CUEDC1: variants seen among roughly 807,000 people sequenced by gnomAD.
CUEDC1 encodes CUE domain containing 1, also known as CUE domain-containing protein 1.
CUEDC1 carries 30 observed loss-of-function variants against 43.7 expected under a neutral mutation model. The ratio of observed to expected loss-of-function variants is 0.69; its 90% CI spans 0.51 to 0.93. The LOEUF is 0.93. Among genes scored for constraint, CUEDC1 ranks in the 40% least tolerant of loss-of-function variants. The probability of loss-of-function intolerance (pLI) is 0.00; values close to 1 mark genes in which losing one functional copy is unlikely to be tolerated. For synonymous variants in CUEDC1, 223 were observed against 223.6 expected, an observed-to-expected ratio of 1.00 and a Z score of 0.02; for missense variants, 486 against 549.0, an observed-to-expected ratio of 0.89 and a Z score of 1.15.
At chr17:57,880,893 C>T (rs2074195727) in intron 2 of CUEDC1, among the ~76,000 whole-genome samples, 1 of 152,190 alleles carries the variant, frequency 6.6e-6, no homozygotes, top group Non-Finnish European at 1.5e-5. Context: ...CCCAACCTGG[C>T]CTACACCTTC....
At chr17:57,885,152 T>C in intron 2 of CUEDC1, 77 bp downstream of exon 2, 1 of 1,476,680 alleles carries the variant, frequency 6.8e-7, no homozygotes, top group East Asian at 2.5e-5. Flanking sequence ...TGGTTGGAAT[T>C]ACCCGGGCCG....
intron 1 of CUEDC1, among the ~76,000 whole-genome samples, chr17:57,924,255 G>A (rs895936529): frequency 1.4e-4 from 21 of 152,262 alleles, no homozygotes; most frequent in East Asian, 5.8e-4. Flanking sequence ...ACGGGCGGAC[G>A]CCACCATGCC....
intron 1 of CUEDC1, among the ~76,000 whole-genome samples, chr17:57,939,587 C>CT (rs1214445681): frequency 1.3e-5 from 2 of 152,182 alleles, no homozygotes; most frequent in African/African-American, 4.8e-5. Flanking sequence ...ACCTGAACAG[C>CT]TTCTGGACGT....
chr17:57,895,872 C>G (rs111228500), intron 1 of CUEDC1, among the ~76,000 whole-genome samples: 301 of 152,318 alleles, frequency 2.0e-3, no homozygotes, highest in African/African-American at 6.9e-3. Flanking sequence ...CATACTGGAC[C>G]AGGCCCAGCT....
chr17:57,884,301 G>A (rs973975762), intron 2 of CUEDC1, among the ~76,000 whole-genome samples: 16 of 145,652 alleles, frequency 1.1e-4, no homozygotes, highest in Admixed American at 9.4e-4. Context: ...GGGTTCAGGC[G>A]ATTCTCCTGC....
intron 1 of CUEDC1, among the ~76,000 whole-genome samples, chr17:57,890,449 G>C (rs2074342990): frequency 6.6e-6 from 1 of 152,178 alleles, no homozygotes; most frequent in Non-Finnish European, 1.5e-5. Context: ...CCCCTGACTG[G>C]CTTCTGAAAA....
In CUEDC1 at chr17:57,922,007, G is replaced by T. The variant is rs529751366; in HGVS notation, c.-316+33218C>A. On this transcript the variant is annotated intron_variant, in intron 1 of 10. Coordinates refer to ENST00000577830, the MANE Select transcript of CUEDC1 (RefSeq NM_001271875.2). ...ACGTGCCTGTAGTTCCAGCTATTCA[G>T]GAGGCTGAGACAGGAGAATCACTTG... Among the ~76,000 whole-genome samples the T allele has an allele frequency of 5.3e-5, 8 of 152,296 alleles. No homozygotes were observed. The South Asian group carries it at 1.7e-3, about 32-fold the overall frequency.
chr17:57,951,078 C>G (rs2075002401), intron 1 of CUEDC1, among the ~76,000 whole-genome samples: 1 of 149,714 alleles, frequency 6.7e-6, no homozygotes, highest in African/African-American at 2.5e-5. Flanking sequence ...GCGGTCCTCT[C>G]TGCTCATCAT....
chr17:57,874,362 G>A (rs2074080689), intron 3 of CUEDC1, among the ~76,000 whole-genome samples: 1 of 152,328 alleles, frequency 6.6e-6, no homozygotes, highest in East Asian at 1.9e-4. Context: ...TCAGGAGGCC[G>A]TGTCCTGAGC....
intron 1 of CUEDC1, chr17:57,892,617 G>A (rs1348049212): frequency 7.2e-5 from 11 of 152,348 alleles, no homozygotes; most frequent in Admixed American, 6.5e-4. Context: ...TCTTGCCTAA[G>A]ATCTGGCACA....
At chr17:57,906,789 T>TA (rs2074533828) in intron 1 of CUEDC1, among the ~76,000 whole-genome samples, 1 of 151,724 alleles carries the variant, frequency 6.6e-6, no homozygotes, top group Non-Finnish European at 1.5e-5. Context: ...CTGGCCAACA[T>TA]AGTGAAACCT....
chr17:57,881,490 T>C (rs970319127), intron 2 of CUEDC1, among the ~76,000 whole-genome samples: 13 of 152,202 alleles, frequency 8.5e-5, no homozygotes, highest in Non-Finnish European at 1.5e-4. Flanking sequence ...ACCTGGTGCA[T>C]TCTGAGAACT....
Position 57,872,655 on chromosome 17 carries a change from C to A in CUEDC1, c.784+8G>T, listed in dbSNP as rs370073818. ...AGCCAGGGAGAAGTGGCTGCAGGCG[C>A]TGCCCACCTCTCTCCAGAGCGAGGA... On this transcript the variant is annotated splice_region_variant and intron_variant, in intron 5 of 10. Coordinates refer to ENST00000577830, the MANE Select transcript of CUEDC1 (RefSeq NM_001271875.2). 52 of 1,613,100 alleles carry A rather than the reference C, an allele frequency of 3.2e-5. No homozygotes were observed. In the African/African-American group the frequency reaches 6.3e-4, roughly 19 times the overall value.
At chr17:57,917,416 G>T (rs2074653900) in intron 1 of CUEDC1, among the ~76,000 whole-genome samples, 1 of 152,220 alleles carries the variant, frequency 6.6e-6, no homozygotes, top group Non-Finnish European at 1.5e-5. Context: ...AAGGGGCAAG[G>T]CCATGCACCA....
chr17:57,932,005 C>T (rs1032310724), intron 1 of CUEDC1, among the ~76,000 whole-genome samples: 2 of 152,166 alleles, frequency 1.3e-5, no homozygotes, highest in African/African-American at 2.4e-5. Context: ...GGAGTGGTAG[C>T]TCATGCCTGT....
intron 1 of CUEDC1, among the ~76,000 whole-genome samples, chr17:57,910,027 T>C (rs1453120876): frequency 1.3e-5 from 2 of 152,202 alleles, no homozygotes; most frequent in African/African-American, 4.8e-5. Flanking sequence ...TCTCTTCTGT[T>C]GCCCAGGCTG....
intron 1 of CUEDC1, among the ~76,000 whole-genome samples, chr17:57,949,819 C>T (rs1218858772): frequency 6.6e-6 from 1 of 151,964 alleles, no homozygotes; most frequent in Non-Finnish European, 1.5e-5. Flanking sequence ...CAACCTCAGT[C>T]TCTCAAAGTG....
rs546282438 is a variant in CUEDC1, at chr17:57,930,551, G to A, written c.-316+24674C>T. Among the ~76,000 whole-genome samples the A allele has an allele frequency of 6.6e-6, 1 of 152,364 alleles. No homozygotes were observed. The highest frequency in any genetic ancestry group is 1.5e-5 in the Non-Finnish European group (1 of 68,032). ...GGAACGCTACCCACAACCACAGCAAGAGGAGGGAGGATTTTGAGAAAACTG... is the reference window on the plus strand; with the variant it reads ...GGAACGCTACCCACAACCACAGCAAAAGGAGGGAGGATTTTGAGAAAACTG... On this transcript the variant is annotated intron_variant, in intron 1 of 10. Coordinates refer to ENST00000577830, the MANE Select transcript of CUEDC1 (RefSeq NM_001271875.2). The surrounding 1 kb of genome is among the most constrained non-coding windows in gnomAD (Gnocchi z 4.2).
At chr17:57,939,631 G>A (rs1416945108) in intron 1 of CUEDC1, among the ~76,000 whole-genome samples, 3 of 152,012 alleles carry the variant, frequency 2.0e-5, no homozygotes, top group South Asian at 2.1e-4. Flanking sequence ...TGTGAGGACC[G>A]CCTCTACTCC....
Sources: allele counts gnomAD v4.1 joint callset (sites outside exome capture counted in the v4.1 genomes callset), GRCh38; gene constraint gnomAD v4.1.1; non-coding constraint Gnocchi (gnomAD v3.1); transcripts MANE v1.5; gene names NCBI Gene and HGNC (gene_info 2026-07-23, HGNC 2026-07-21).